Variants in SCAP observed in about 807,000 individuals in gnomAD.
SCAP encodes SREBF chaperone.
SCAP carries 65 observed loss-of-function variants against 123.6 expected under a neutral mutation model. That is an observed-to-expected ratio of 0.53 (90% CI 0.43 to 0.65). SCAP has a LOEUF of 0.65. Ranked by LOEUF, SCAP falls within the 30% of genes least tolerant of loss-of-function variation. SCAP has a pLI of 0.00. For synonymous variants in SCAP, 740 were observed against 726.3 expected, an observed-to-expected ratio of 1.02 and a Z score of -0.30; for missense variants, 1,398 against 1,712.5, an observed-to-expected ratio of 0.82 and a Z score of 3.24.
chr3:47,472,359 G>A (rs932913637), intron 1 of SCAP, among the ~76,000 whole-genome samples: 4 of 150,612 alleles, frequency 2.7e-5, no homozygotes, highest in Non-Finnish European at 3.0e-5. Flanking sequence ...GCGTAAACCC[G>A]GGAAGCGGAG....
chr3:47,476,301 A>G (rs1708270991), upstream of SCAP, among the ~76,000 whole-genome samples: 1 of 152,190 alleles, frequency 6.6e-6, no homozygotes, highest in Non-Finnish European at 1.5e-5. Flanking sequence ...CGTCTCCACA[A>G]GTAAAATTAA....
chr3:47,457,438 G>A (rs376871560), intron 1 of SCAP, among the ~76,000 whole-genome samples: 1 of 152,090 alleles, frequency 6.6e-6, no homozygotes, highest in Non-Finnish European at 1.5e-5. Flanking sequence ...CAGGAGAAGG[G>A]AATAACTGAA....
chr3:47,418,161 T>TCC lies in SCAP; in HGVS notation c.2418_2419dup (p.Asp807GlyfsTer4). On this transcript the variant is annotated frameshift_variant, in exon 16 of 23. Transcript: ENST00000265565. LOFTEE classifies it high-confidence loss of function. ...TGGGCGCGGAATGCGCGTTAGGCAA[T>TCC]CCCCGGTCTGCGCGTCCCACACGCA... 1 of 1,570,320 alleles carries TCC rather than the reference T, an allele frequency of 6.4e-7. No homozygotes were observed.
At chr3:47,432,348 AAAAAAAAAG>A (rs1699545727) in intron 3 of SCAP, among the ~76,000 whole-genome samples, 2 of 151,510 alleles carry the variant, frequency 1.3e-5, no homozygotes, top group African/African-American at 4.8e-5. Context: ...GAAAAAGGAA[AAAAAAAAAG>A]AAAAAAAAAT....
chr3:47,475,072 C>T (rs1708214084), intron 1 of SCAP, among the ~76,000 whole-genome samples: 1 of 152,172 alleles, frequency 6.6e-6, no homozygotes, highest in Non-Finnish European at 1.5e-5. Context: ...AGTTTATTCA[C>T]CTAGCTCCGA....
intron 1 of SCAP, among the ~76,000 whole-genome samples, chr3:47,473,831 T>C (rs1301174225): frequency 6.6e-6 from 1 of 152,202 alleles, no homozygotes. Flanking sequence ...TCCATTTTTC[T>C]AGTAATAAAC....
chr3:47,439,428 T>C lies in SCAP; in HGVS notation c.122+3444A>G, dbSNP rs1706714802. ...CGTCTCAAAATCAAAAACAACACAATGTGATTCCAATTTCCTCTCCAAATT... is the reference window on the plus strand; with the variant it reads ...CGTCTCAAAATCAAAAACAACACAACGTGATTCCAATTTCCTCTCCAAATT... On this transcript the variant is annotated intron_variant, in intron 2 of 22. Coordinates refer to ENST00000265565, the MANE Select transcript of SCAP (RefSeq NM_012235.4). This position sits in a 1 kb window ranked among gnomAD's most constrained non-coding sequence, Gnocchi z 4.0. Among the ~76,000 whole-genome samples the C allele has an allele frequency of 6.6e-6, 1 of 152,078 alleles. No individual in the cohort carries two copies. The highest frequency in any genetic ancestry group is 2.4e-5 in the African/African-American group (1 of 41,416).
chr3:47,430,800 A>G (rs551218887), intron 3 of SCAP, among the ~76,000 whole-genome samples: 1 of 151,842 alleles, frequency 6.6e-6, no homozygotes, highest in Non-Finnish European at 1.5e-5. Flanking sequence ...GGCCCAGCCC[A>G]GCTGAGGGAT....
chr3:47,413,805 G>GC lies in SCAP; in HGVS notation c.*48dup. ...CCCCAAGTCCAGGTTCAGTGCATTG[G>GC]CCCCCACACAGCACCCCAGCCTCCT... On this transcript the variant is annotated 3_prime_UTR_variant, in exon 23 of 23. Coordinates refer to ENST00000265565, the MANE Select transcript of SCAP (RefSeq NM_012235.4). 1.3e-6 allele frequency: 2 copies of GC among 1,584,728 alleles called. No individual in the cohort carries two copies. Among genetic ancestry groups the GC allele is most frequent in the South Asian group, 1.1e-5 (1 of 88,330 alleles).
intron 14 of SCAP, 29 bp downstream of exon 14, chr3:47,418,626 T>TTACCCCCCCCCC: frequency 6.9e-7 from 1 of 1,459,578 alleles, no homozygotes; most frequent in Non-Finnish European, 9.5e-7. Flanking sequence ...CCGCACTCTT[T>TTACCCCCCCCCC]CCCACCCCAC....
intron 1 of SCAP, among the ~76,000 whole-genome samples, chr3:47,466,660 AAAG>A (rs1707840192): frequency 6.6e-6 from 1 of 152,198 alleles, no homozygotes; most frequent in Non-Finnish European, 1.5e-5. Context: ...ATAAATGAAA[AAAG>A]AAGAGCTAAA....
intron 1 of SCAP, among the ~76,000 whole-genome samples, chr3:47,466,649 A>C (rs1707840000): frequency 6.6e-6 from 1 of 152,192 alleles, no homozygotes; most frequent in Non-Finnish European, 1.5e-5. Context: ...AAATAGATCA[A>C]ATAAATGAAA....
At chr3:47,465,986 A>G (rs1406668961) in intron 1 of SCAP, among the ~76,000 whole-genome samples, 1 of 151,998 alleles carries the variant, frequency 6.6e-6, no homozygotes, top group East Asian at 1.9e-4. Flanking sequence ...TACAAAAATT[A>G]GCTGGGCGTG....
intron 1 of SCAP, among the ~76,000 whole-genome samples, chr3:47,448,516 T>C (rs1022703987): frequency 2.6e-5 from 4 of 152,104 alleles, no homozygotes; most frequent in Admixed American, 6.6e-5. Flanking sequence ...AAGATAAACT[T>C]TCTGTTATTG....
Position 47,417,185 on chromosome 3 carries a change from A to T in SCAP, c.2993T>A (p.Val998Glu). ...GACCTCCTCGCTGCTGCAGCACAGC[A>T]CCCCTTCAATGGCGTCCCACACCTA... is the stretch of plus-strand genomic sequence containing the variant. ...RLEVWDAIEG[V>E]LCCSSEEVSS... The change falls in exon 18 of 23, where the codon GTG (valine) becomes GAG (glutamate). Residue 998 changes from valine (V) to glutamate (E), a missense_variant. Physicochemically the swap from Val to Glu is moderately radical, Grantham distance 121 (BLOSUM62 -2). This residue lies in a region of SCAP where 828 missense variants were observed against 882.5 expected (regional missense o/e 0.94). Transcript: ENST00000265565. 6.2e-7 allele frequency: 1 copy of T among 1,612,958 alleles called. No individual in the cohort carries two copies. The highest frequency in any genetic ancestry group is 1.1e-5 in the South Asian group (1 of 91,086).
At position 47,413,813 on chromosome 3, in the gene SCAP, A is replaced by AC. The variant is rs1369164300; in HGVS notation, c.*40dup. 10 of 1,593,670 alleles carry AC rather than the reference A, an allele frequency of 6.3e-6. No homozygotes were observed. Among genetic ancestry groups the AC allele is most frequent in the African/African-American group, 1.3e-5 (1 of 74,630 alleles). On this transcript the variant is annotated 3_prime_UTR_variant, in exon 23 of 23. Coordinates refer to ENST00000265565, the MANE Select transcript of SCAP (RefSeq NM_012235.4). Reference sequence around the variant, plus strand: ...CCAGGTTCAGTGCATTGGCCCCCACACAGCACCCCAGCCTCCTGCCTGGGC... The same window carrying AC: ...CCAGGTTCAGTGCATTGGCCCCCACACCAGCACCCCAGCCTCCTGCCTGGGC...
At chr3:47,415,036 G>A in intron 19 of SCAP, 43 bp from the exon 20 acceptor site, 1 of 1,580,920 alleles carries the variant, frequency 6.3e-7, no homozygotes, top group East Asian at 2.2e-5. Context: ...AGAAAGCAAT[G>A]GGTAGACGGC....
chr3:47,423,815 G>T, intron 9 of SCAP, 118 bp downstream of exon 9: 1 of 739,134 alleles, frequency 1.4e-6, no homozygotes, highest in African/African-American at 1.7e-5. Flanking sequence ...TTATGCCGGA[G>T]GCAAGAGCAA....
At chr3:47,437,264 AC>A (rs1706614432) in intron 2 of SCAP, among the ~76,000 whole-genome samples, 2 of 151,430 alleles carry the variant, frequency 1.3e-5, no homozygotes, top group South Asian at 4.2e-4. Context: ...ACAGGGAGAA[AC>A]CCTGTCTCTA....
Sources: allele counts gnomAD v4.1 joint callset (sites outside exome capture counted in the v4.1 genomes callset), GRCh38; gene constraint gnomAD v4.1.1; regional missense constraint gnomAD v4.1.1; non-coding constraint Gnocchi (gnomAD v3.1); transcripts MANE v1.5; gene names NCBI Gene and HGNC (gene_info 2026-07-23, HGNC 2026-07-21).